CADPS: variants seen among roughly 807,000 people sequenced by gnomAD.
The protein encoded by CADPS is calcium dependent secretion activator, also known as calcium-dependent secretion activator 1.
In CADPS, 57 loss-of-function variants were observed where a neutral mutation model predicts 167.3. The observed-to-expected ratio is 0.34, with a 90% CI of 0.28 to 0.42. The LOEUF is 0.42. CADPS is among the 20% of genes least tolerant of loss of function. The probability of loss-of-function intolerance (pLI) is 1.00; values close to 1 mark genes in which losing one functional copy is unlikely to be tolerated. For missense variants in CADPS, 1,414 were observed against 1,738.1 expected, an observed-to-expected ratio of 0.81 and a Z score of 3.32; for synonymous variants, 676 against 635.3, an observed-to-expected ratio of 1.06 and a Z score of -0.96.
intron 3 of CADPS, among the ~76,000 whole-genome samples, chr3:62,671,774 GT>G (rs1206782771): frequency 9.9e-5 from 15 of 151,818 alleles, no homozygotes; most frequent in Admixed American, 9.8e-4. Context: ...CTGTTTGTTT[GT>G]TTTTTGAGAC....
chr3:62,466,630 T>C (rs2059965490), intron 24 of CADPS: 9 of 592,800 alleles, frequency 1.5e-5, no homozygotes, highest in South Asian at 1.3e-4. Context: ...TGTTCCTTAC[T>C]CAAGGCTTTC....
chr3:62,730,885 C>G (rs1202902261), intron 3 of CADPS, among the ~76,000 whole-genome samples: 1 of 152,158 alleles, frequency 6.6e-6, no homozygotes, highest in Non-Finnish European at 1.5e-5. Flanking sequence ...CCATTTGGGC[C>G]CAGGCTTCTG....
Position 62,763,001 on chromosome 3 carries a change from C to G in CADPS, c.555+2870G>C, listed in dbSNP as rs887777800. On this transcript the variant is annotated intron_variant, in intron 2 of 29. Coordinates refer to ENST00000383710, the MANE Select transcript of CADPS (RefSeq NM_003716.4). The stretch of plus-strand genomic sequence containing the variant: ...GAGAGGGAATTTGGAAGGAGGATAT[C>G]TGTTGGTTTTGTCTGCTGAGCATAT... Among the ~76,000 whole-genome samples, 10 of 152,154 alleles carry G rather than the reference C, an allele frequency of 6.6e-5. No homozygotes were observed. The South Asian group carries it at 1.5e-3, about 22-fold the overall frequency.
At chr3:62,539,084 T>C (rs538380508) in intron 11 of CADPS, among the ~76,000 whole-genome samples, 9 of 152,232 alleles carry the variant, frequency 5.9e-5, no homozygotes, top group Admixed American at 5.2e-4. Flanking sequence ...TCCTTTTCCC[T>C]TCTTCCTTTC....
rs540107356 is a variant in CADPS at position 62,844,167 on chromosome 3, T to C, written c.441+30422A>G. Among the ~76,000 whole-genome samples, 6 of 152,256 alleles carry C rather than the reference T, an allele frequency of 3.9e-5. No homozygotes were observed. The South Asian group carries it at 6.2e-4, about 16-fold the overall frequency. On this transcript the variant is annotated intron_variant, in intron 1 of 29. Coordinates refer to ENST00000383710, the MANE Select transcript of CADPS (RefSeq NM_003716.4). ...GGGAAAAAGCAGAGACAAATCACAGTTGTAAGGTAAGAGCTCTTCTGGTGA... is the reference window on the plus strand; with the variant it reads ...GGGAAAAAGCAGAGACAAATCACAGCTGTAAGGTAAGAGCTCTTCTGGTGA...
chr3:62,601,052 A>G lies in CADPS; in HGVS notation c.1326-8304T>C, dbSNP rs762913288. On this transcript the variant is annotated intron_variant, in intron 6 of 29. Transcript: ENST00000383710. The surrounding 1 kb of genome is among the most constrained non-coding windows in gnomAD (Gnocchi z 4.3). ...TGGTGTTTACCTCAATACGTGGCAC[A>G]TAGAAAGCACTAAAAAATGTAAGTC... 4.6e-5 allele frequency among the ~76,000 whole-genome samples: 7 copies of G among 152,224 alleles called. No homozygotes were observed. The highest frequency in any genetic ancestry group is 7.3e-5 in the Non-Finnish European group (5 of 68,042).
chr3:62,621,605 A>C (rs2063175864), intron 6 of CADPS, among the ~76,000 whole-genome samples: 1 of 152,060 alleles, frequency 6.6e-6, no homozygotes, highest in Non-Finnish European at 1.5e-5. Flanking sequence ...TGTTTTTATT[A>C]AGTTCAGGGG....
chr3:62,837,448 A>G (rs1006938930), intron 1 of CADPS, among the ~76,000 whole-genome samples: 1 of 152,224 alleles, frequency 6.6e-6, no homozygotes, highest in African/African-American at 2.4e-5. Context: ...TAGCCCTACG[A>G]AAGTCAGTCC....
At chr3:62,826,458 C>CTTATGTCTTA (rs2074057233) in intron 1 of CADPS, among the ~76,000 whole-genome samples, 5 of 152,106 alleles carry the variant, frequency 3.3e-5, no homozygotes, top group Non-Finnish European at 7.4e-5. Flanking sequence ...TATAGGATCT[C>CTTATGTCTTA]TGTCTTATGT....
chr3:62,432,037 C>T (rs1008852659), intron 28 of CADPS, among the ~76,000 whole-genome samples: 4 of 151,940 alleles, frequency 2.6e-5, no homozygotes, highest in African/African-American at 9.7e-5. Flanking sequence ...TACTCCCTCC[C>T]TCTCTCTGCC....
At chr3:62,415,441 G>T (rs2049868547) in intron 28 of CADPS, among the ~76,000 whole-genome samples, 1 of 151,926 alleles carries the variant, frequency 6.6e-6, no homozygotes, top group African/African-American at 2.4e-5. Context: ...CGCCCCAGGG[G>T]TGCTGCAAAC....
chr3:62,785,889 C>A (rs2092367671), intron 1 of CADPS, among the ~76,000 whole-genome samples: 1 of 142,780 alleles, frequency 7.0e-6, no homozygotes, highest in South Asian at 2.3e-4. Flanking sequence ...GCATCTAGGA[C>A]ACAAAGAAAA....
intron 4 of CADPS, among the ~76,000 whole-genome samples, chr3:62,652,435 A>G (rs1215592993): frequency 6.6e-6 from 1 of 151,632 alleles, no homozygotes; most frequent in Non-Finnish European, 1.5e-5. Context: ...AAGCTGTGTA[A>G]CATATGGGCA....
chr3:62,788,556 G>T (rs961823271), intron 1 of CADPS, among the ~76,000 whole-genome samples: 2 of 152,120 alleles, frequency 1.3e-5, no homozygotes, highest in African/African-American at 4.8e-5. Flanking sequence ...CTTGGGACCC[G>T]ACACAGCTGT....
rs1577777429 is a variant in CADPS at position 62,875,200 on chromosome 3, G to C, written c.-171C>G. On this transcript the variant is annotated 5_prime_UTR_variant, in exon 1 of 30. Coordinates refer to ENST00000383710, the MANE Select transcript of CADPS (RefSeq NM_003716.4). ...CGCCGCGACTGATCCTCTGCCCGGC[G>C]GTCGCGAGCTGGGCTCAGACCCAGA... The C allele has an allele frequency of 1.1e-6, 1 of 901,820 alleles. No individual in the cohort carries two copies. Among genetic ancestry groups the C allele is most frequent in the Non-Finnish European group, 1.5e-6 (1 of 682,894 alleles). 55.9% of individuals were successfully genotyped at this position (901,820 alleles called of 1,614,324 possible).
intron 1 of CADPS, among the ~76,000 whole-genome samples, chr3:62,826,890 A>T (rs2074157454): frequency 6.6e-6 from 1 of 152,146 alleles, no homozygotes. Context: ...TGTGGGGAAA[A>T]GATCTTTGTT....
chr3:62,522,921 G>A (rs1322354763), intron 13 of CADPS, among the ~76,000 whole-genome samples: 2 of 152,202 alleles, frequency 1.3e-5, no homozygotes, highest in African/African-American at 4.8e-5. Flanking sequence ...ACTGGAGCCA[G>A]AAATGAGTCT....
chr3:62,452,631 T>G (rs1261691185), intron 26 of CADPS, among the ~76,000 whole-genome samples: 2 of 152,202 alleles, frequency 1.3e-5, no homozygotes, highest in East Asian at 3.9e-4. Flanking sequence ...AGTCTCATTT[T>G]GTGGGTGAAA....
At chr3:62,782,984 T>A (rs1330607221) in intron 1 of CADPS, among the ~76,000 whole-genome samples, 1 of 152,134 alleles carries the variant, frequency 6.6e-6, no homozygotes, top group African/African-American at 2.4e-5. Context: ...GGTCTCAAAC[T>A]CCTGACCTCA....
Sources: gnomAD v4.1 joint callset for allele counts (sites outside exome capture counted in the v4.1 genomes callset) on GRCh38, gnomAD v4.1.1 for gene constraint, Gnocchi (gnomAD v3.1) non-coding constraint, MANE v1.5 for transcripts, NCBI Gene and HGNC (gene_info 2026-07-23, HGNC 2026-07-21) for gene names.